The following SYNE1 variants were observed in gnomAD, a reference collection of about 807,000 sequenced individuals.
SYNE1 encodes the protein nesprin-1.
In SYNE1, 616 loss-of-function variants were observed where a neutral mutation model predicts 1,111.0. The observed-to-expected ratio is 0.55, with a 90% CI of 0.52 to 0.59. SYNE1 has a LOEUF of 0.59. SYNE1 is among the 20% of genes least tolerant of loss of function. SYNE1 has a pLI of 0.00. For synonymous variants in SYNE1, 3,855 were observed against 3,825.8 expected, an observed-to-expected ratio of 1.01 and a Z score of -0.28; for missense variants, 10,006 against 10,417.0, an observed-to-expected ratio of 0.96 and a Z score of 1.72.
intron 44 of SYNE1, 108 bp from the exon 45 acceptor site, chr6:152,407,304 C>T (rs2097915442): frequency 9.4e-7 from 1 of 1,059,614 alleles, no homozygotes. Context: ...TTCTGACGGA[C>T]AAACAGTTCC....
intron 14 of SYNE1, among the ~76,000 whole-genome samples, chr6:152,476,994 A>T (rs1236621370): frequency 6.6e-6 from 1 of 152,250 alleles, no homozygotes; most frequent in Non-Finnish European, 1.5e-5. Flanking sequence ...AAGAAACAAT[A>T]TTGGGGAAAT....
chr6:152,510,450 A>G, intron 7 of SYNE1, 79 bp from the exon 8 acceptor site: 1 of 1,500,892 alleles, frequency 6.7e-7, no homozygotes, highest in South Asian at 1.2e-5. Flanking sequence ...CTTTTCCAGC[A>G]ACAAATGAGT....
In SYNE1 at chr6:152,176,513, G is replaced by A; in HGVS notation, c.23508C>T (p.Leu7836=). Residue 7836 remains leucine (L), a synonymous_variant, in exon 130 of 146, where the codon CTC becomes CTT. Transcript: ENST00000367255. Reference sequence around the variant, plus strand: ...TAGCAAGTCGTTCTCCCATTTGTTGGAGCTGTATTTTGTTCTCTTGAGCAA... The same window carrying A: ...TAGCAAGTCGTTCTCCCATTTGTTGAAGCTGTATTTTGTTCTCTTGAGCAA... ...IAIAQENKIQ[L]QQMGERLAKA... The A allele has an allele frequency of 5.0e-6, 8 of 1,614,100 alleles. No homozygotes were observed. Among genetic ancestry groups the A allele is most frequent in the Non-Finnish European group, 6.8e-6 (8 of 1,180,012 alleles).
chr6:152,539,079 T>C (rs1472358762), intron 4 of SYNE1, among the ~76,000 whole-genome samples: 2 of 152,140 alleles, frequency 1.3e-5, no homozygotes, highest in African/African-American at 4.8e-5. Flanking sequence ...CTTGTAGGGT[T>C]GGGCTTTACA....
intron 106 of SYNE1, among the ~76,000 whole-genome samples, chr6:152,242,779 C>T (rs954232578): frequency 4.0e-5 from 6 of 151,400 alleles, no homozygotes; most frequent in Admixed American, 6.6e-5. Flanking sequence ...TTATTTCTAA[C>T]GGACAATAAA....
chr6:152,551,605 A>T (rs936066371), intron 3 of SYNE1, among the ~76,000 whole-genome samples: 3 of 152,220 alleles, frequency 2.0e-5, no homozygotes, highest in African/African-American at 7.2e-5. Context: ...AGTTCAGAAC[A>T]GTGACATGAA....
At chr6:152,380,188 G>A (rs927177441) in intron 56 of SYNE1, among the ~76,000 whole-genome samples, 4 of 152,096 alleles carry the variant, frequency 2.6e-5, no homozygotes, top group Non-Finnish European at 4.4e-5. Flanking sequence ...AGACACTGCT[G>A]GAAATACTAC....
intron 3 of SYNE1, among the ~76,000 whole-genome samples, chr6:152,565,081 G>T (rs2099408253): frequency 6.6e-6 from 1 of 152,168 alleles, no homozygotes; most frequent in Non-Finnish European, 1.5e-5. Flanking sequence ...ACAGACCATT[G>T]CTTTCTTTTA....
At chr6:152,264,206 CAAAAAAAAAAA>C (rs56714685) in intron 100 of SYNE1, among the ~76,000 whole-genome samples, 2 of 45,896 alleles carry the variant, frequency 4.4e-5, no homozygotes, top group Non-Finnish European at 7.4e-5. Flanking sequence ...GACTCCATCT[CAAAAAAAAAAA>C]AAAAAAAAAA....
chr6:152,478,823 T>A (rs6915547), intron 14 of SYNE1, among the ~76,000 whole-genome samples: 10 of 151,854 alleles, frequency 6.6e-5, no homozygotes, highest in Admixed American at 5.2e-4. Flanking sequence ...GTGTGTTTTT[T>A]TCCAGCCACA....
At chr6:152,274,368 C>T (rs575860111) in intron 98 of SYNE1, among the ~76,000 whole-genome samples, 49 of 152,142 alleles carry the variant, frequency 3.2e-4, no homozygotes, top group African/African-American at 1.2e-3. Context: ...CTCTTCATAT[C>T]TTTTGTCCAT....
At position 152,242,244 on chromosome 6, in the gene SYNE1, T is replaced by C. The variant is rs754418982; in HGVS notation, c.19889A>G (p.His6630Arg). 6.2e-7 allele frequency: 1 copy of C among 1,613,756 alleles called. No individual in the cohort carries two copies. The highest frequency in any genetic ancestry group is 1.3e-5 in the African/African-American group (1 of 74,902). The change falls in exon 107 of 146, where the codon CAT (histidine) becomes CGT (arginine). Residue 6630 changes from histidine to arginine, a missense_variant. Physicochemically the swap from His to Arg is conservative, Grantham distance 29. This residue lies in a region of SYNE1 where 2,182 missense variants were observed against 2,287.8 expected (regional missense o/e 0.95). Coordinates refer to ENST00000367255, the MANE Select transcript of SYNE1 (RefSeq NM_182961.4). ...TCACTCTTTTTTGTTATGTACCTTA[T>C]GTTTGTCAAGTAGTTGCTGGATTTC... is the stretch of plus-strand genomic sequence containing the variant. Reference protein sequence around the residue: ...KEEIQQLLDKHKEYFQGLESH... With the variant: ...KEEIQQLLDKRKEYFQGLESH...
At chr6:152,387,051 C>A in intron 54 of SYNE1, 21 bp downstream of exon 54, 1 of 1,599,492 alleles carries the variant, frequency 6.3e-7, no homozygotes, top group East Asian at 2.2e-5. Context: ...AAAGCATCTA[C>A]TTTCAATATA....
In SYNE1 at chr6:152,330,798, T is replaced by C. The variant is rs765118093; in HGVS notation, c.13887A>G (p.Ile4629Met). 2.5e-6 allele frequency: 4 copies of C among 1,613,824 alleles called. No homozygotes were observed. The African/African-American group carries it at 5.3e-5, about 22-fold the overall frequency. ...LLTLQRTGQT[I>M]LPSLNEVDHS... ...GATCGACTTCATTCAGCGATGGTAA[T>C]ATGGTCTGCCCAGTTCTCTGCAGCG... Residue 4629 changes from isoleucine (I) to methionine (M), a missense_variant, in exon 78 of 146, where the codon ATA becomes ATG. Ile to Met is a conservative substitution (Grantham distance 10). Transcript: ENST00000367255.
chr6:152,324,050 A>G (rs1391289182), intron 81 of SYNE1, among the ~76,000 whole-genome samples: 3 of 152,252 alleles, frequency 2.0e-5, no homozygotes, highest in Non-Finnish European at 2.9e-5. Flanking sequence ...AACATAAATG[A>G]GTGCCTTTAA....
Position 152,484,038 on chromosome 6 carries a change from C to CAAAAAAAAAAAAAAAAAA in SYNE1, c.1185+779_1186-790dup, listed in dbSNP as rs773019397. On this transcript the variant is annotated intron_variant, in intron 13 of 145. Transcript: ENST00000367255. Reference sequence around the variant, plus strand: ...GCAATATAGTGAGATCTCATCTCTACAAAAAAAAAAAAAAAAAAAAAAAAT... The same window carrying CAAAAAAAAAAAAAAAAAA: ...GCAATATAGTGAGATCTCATCTCTACAAAAAAAAAAAAAAAAAAAAAAAAAAAAAAAAAAAAAAAAAAT... Among the ~76,000 whole-genome samples the CAAAAAAAAAAAAAAAAAA allele has an allele frequency of 3.2e-4, 17 of 53,502 alleles. 3 individuals carry two copies. The highest frequency in any genetic ancestry group is 5.3e-4 in the Non-Finnish European group (13 of 24,680). 35.1% of individuals were successfully genotyped at this position (53,502 alleles called of 152,430 possible).
intron 34 of SYNE1, among the ~76,000 whole-genome samples, chr6:152,433,339 A>G (rs2098446143): frequency 6.6e-6 from 1 of 152,140 alleles, no homozygotes; most frequent in South Asian, 2.1e-4. Flanking sequence ...CATGGAGTAG[A>G]ACTGCTTCAC....
intron 8 of SYNE1, among the ~76,000 whole-genome samples, chr6:152,509,248 CTTTTTTTTT>C (rs11305679): frequency 2.6e-5 from 2 of 75,794 alleles, no homozygotes; most frequent in Admixed American, 1.6e-4. Context: ...TTTTCTTTTT[CTTTTTTTTT>C]TTTTTTTTTT....
intron 78 of SYNE1, 103 bp from the exon 79 acceptor site, chr6:152,326,736 C>CGTATGTGTG: frequency 1.8e-6 from 2 of 1,096,900 alleles, no homozygotes; most frequent in South Asian, 2.7e-5. Context: ...GTCTCATGGG[C>CGTATGTGTG]GTATGTGTGT....
Sources: allele counts gnomAD v4.1 joint callset (sites outside exome capture counted in the v4.1 genomes callset), GRCh38; gene constraint gnomAD v4.1.1; regional missense constraint gnomAD v4.1.1; transcripts MANE v1.5; gene names NCBI Gene and HGNC (gene_info 2026-07-23, HGNC 2026-07-21).